MROH1: variants seen among roughly 807,000 people sequenced by gnomAD.
MROH1 encodes maestro heat-like repeat-containing protein family member 1.
In MROH1, 117 loss-of-function variants were observed where a neutral mutation model predicts 116.5. The observed-to-expected ratio is 1.00, with a 90% CI of 0.86 to 1.17. The LOEUF (loss-of-function observed/expected upper bound fraction) is 1.17. Ranked by LOEUF, MROH1 falls within the 50% of genes most tolerant of loss-of-function variation. The pLI is 0.00. For synonymous variants in MROH1, 921 were observed against 583.9 expected, an observed-to-expected ratio of 1.58 and a Z score of -8.32; for missense variants, 1,873 against 1,338.5, an observed-to-expected ratio of 1.40 and a Z score of -6.23.
chr8:144,228,168 G>A (rs1296628611), intron 14 of MROH1, among the ~76,000 whole-genome samples: 2 of 152,142 alleles, frequency 1.3e-5, no homozygotes, highest in Non-Finnish European at 2.9e-5. Context: ...ACAGGAGGCT[G>A]AAGCTGCAGT....
intron 12 of MROH1, among the ~76,000 whole-genome samples, chr8:144,207,082 G>T (rs1832990735): frequency 6.6e-6 from 1 of 151,832 alleles, no homozygotes; most frequent in Non-Finnish European, 1.5e-5. Context: ...GAAGTTCCCT[G>T]GTGAGTAAAT....
At chr8:144,236,766 A>G (rs1259632436) in intron 14 of MROH1, among the ~76,000 whole-genome samples, 1 of 151,502 alleles carries the variant, frequency 6.6e-6, no homozygotes, top group Non-Finnish European at 1.5e-5. Context: ...AAATAAAACA[A>G]AATAAAATAA....
At chr8:144,167,044 A>G (rs1228297303) in intron 3 of MROH1, among the ~76,000 whole-genome samples, 2 of 152,162 alleles carry the variant, frequency 1.3e-5, no homozygotes, top group Non-Finnish European at 2.9e-5. Flanking sequence ...TGAGTCACGC[A>G]CTGATGCCTG....
At chr8:144,224,257 T>G (rs1276720619) in intron 14 of MROH1, among the ~76,000 whole-genome samples, 1 of 152,140 alleles carries the variant, frequency 6.6e-6, no homozygotes, top group African/African-American at 2.4e-5. Flanking sequence ...CAGATATTTA[T>G]ATCTATGTAA....
intron 1 of MROH1, among the ~76,000 whole-genome samples, chr8:144,155,643 T>C (rs971256685): frequency 1.9e-4 from 28 of 149,716 alleles, no homozygotes; most frequent in Admixed American, 4.0e-4. Flanking sequence ...TTTTTCTTTT[T>C]TTTTTTTTTT....
At chr8:144,175,465 T>C (rs1242765911) in intron 4 of MROH1, 3 of 984,004 alleles carry the variant, frequency 3.0e-6, no homozygotes, top group Non-Finnish European at 2.4e-6. Context: ...CAATTTACAC[T>C]GATTTTCAAT....
intron 1 of MROH1, among the ~76,000 whole-genome samples, chr8:144,158,887 C>T (rs964517106): frequency 2.0e-5 from 3 of 151,940 alleles, no homozygotes; most frequent in African/African-American, 4.8e-5. Context: ...TACAGGCGCA[C>T]GCCACCACGC....
At chr8:144,259,061 G>A in intron 36 of MROH1, 147 bp downstream of exon 36, 2 of 654,126 alleles carry the variant, frequency 3.1e-6, no homozygotes, top group East Asian at 5.4e-5. Flanking sequence ...TGGGGCAGGG[G>A]TAGGGAGGCA....
At chr8:144,205,669 T>A (rs907955189) in intron 12 of MROH1, among the ~76,000 whole-genome samples, 2 of 152,188 alleles carry the variant, frequency 1.3e-5, no homozygotes, top group African/African-American at 4.8e-5. Context: ...GCGTCAATTC[T>A]GTTTTATCTC....
intron 10 of MROH1, among the ~76,000 whole-genome samples, chr8:144,197,956 T>C (rs1345817051): frequency 6.8e-6 from 1 of 146,722 alleles, no homozygotes; most frequent in Non-Finnish European, 1.5e-5. Flanking sequence ...CACCTGAGGC[T>C]GAGAATTGCT....
intron 4 of MROH1, among the ~76,000 whole-genome samples, chr8:144,178,926 G>A (rs576619478): frequency 3.9e-5 from 6 of 152,312 alleles, no homozygotes; most frequent in African/African-American, 1.4e-4. Context: ...GATGAAGGCA[G>A]GTGGTTGGAC....
chr8:144,218,541 C>T (rs2132297455), intron 12 of MROH1, among the ~76,000 whole-genome samples: 1 of 151,666 alleles, frequency 6.6e-6, no homozygotes, highest in African/African-American at 2.4e-5. Context: ...TTGGAATTCC[C>T]TGCACCCTTT....
chr8:144,209,725 A>G (rs946492685), intron 12 of MROH1, among the ~76,000 whole-genome samples: 3 of 151,888 alleles, frequency 2.0e-5, no homozygotes, highest in African/African-American at 7.3e-5. Flanking sequence ...GCTGAAAAAC[A>G]TGGTGAAACC....
chr8:144,152,099 A>G (rs1816943316), intron 1 of MROH1, among the ~76,000 whole-genome samples: 2 of 152,248 alleles, frequency 1.3e-5, no homozygotes. Context: ...TCATACCTAT[A>G]TACCTATGAT....
chr8:144,246,795 G>C (rs1841995372), intron 29 of MROH1, among the ~76,000 whole-genome samples: 1 of 152,206 alleles, frequency 6.6e-6, no homozygotes, highest in African/African-American at 2.4e-5. Context: ...CAGGGAGGAG[G>C]TGTGGAAGTA....
chr8:144,181,210 C>A (rs937202763), intron 7 of MROH1, among the ~76,000 whole-genome samples: 2 of 140,782 alleles, frequency 1.4e-5, no homozygotes, highest in African/African-American at 6.2e-5. Flanking sequence ...AGGGGACCAG[C>A]CCTCGTAAAG....
intron 7 of MROH1, among the ~76,000 whole-genome samples, chr8:144,190,544 C>T (rs1460739107): frequency 1.3e-5 from 2 of 152,182 alleles, no homozygotes; most frequent in East Asian, 1.9e-4. Context: ...AGTGACAGAC[C>T]GAGCAAGACT....
chr8:144,217,611 TC>T (rs1835553370), intron 12 of MROH1, among the ~76,000 whole-genome samples: 1 of 152,166 alleles, frequency 6.6e-6, no homozygotes, highest in South Asian at 2.1e-4. Context: ...TTTTTTCTTT[TC>T]TTTTCTTTTG....
rs759699453 is a variant in MROH1 at position 144,163,070 on chromosome 8, G to A, written c.-56-701G>A. On this transcript the variant is annotated intron_variant, in intron 2 of 43. Transcript: ENST00000326134. The surrounding 1 kb of genome is among the most constrained non-coding windows in gnomAD (Gnocchi z 4.4). ...CGCCTCCAACCCATGTGTGCACAGC[G>A]CAGGGAGGTGTCCTGGCTGGTCAGG... is the stretch of plus-strand genomic sequence containing the variant. Among the ~76,000 whole-genome samples the A allele has an allele frequency of 1.3e-5, 2 of 152,188 alleles. No homozygotes were observed. Among genetic ancestry groups the A allele is most frequent in the Non-Finnish European group, 2.9e-5 (2 of 68,034 alleles).
Sources: gnomAD v4.1 joint callset for allele counts (sites outside exome capture counted in the v4.1 genomes callset) on GRCh38, gnomAD v4.1.1 for gene constraint, Gnocchi (gnomAD v3.1) non-coding constraint, MANE v1.5 for transcripts, NCBI Gene and HGNC (gene_info 2026-07-23, HGNC 2026-07-21) for gene names.